The following ANO4 variants were observed in gnomAD, a reference collection of about 807,000 sequenced individuals.
ANO4 encodes the protein anoctamin 4.
Under a neutral mutation model 141.9 loss-of-function variants are expected in ANO4, and 69 were observed. The observed-to-expected ratio is 0.49, with a 90% CI of 0.40 to 0.59. The LOEUF is 0.59. Ranked by LOEUF, ANO4 falls within the 20% of genes least tolerant of loss-of-function variation. ANO4 has a pLI of 0.00. For synonymous variants in ANO4, 350 were observed against 394.3 expected (o/e 0.89, Z 1.33); for missense variants, 894 against 1,162.2 (o/e 0.77, Z 3.36).
chr12:100,777,312 T>G (rs1167465229), intron 3 of ANO4, among the ~76,000 whole-genome samples: 2 of 135,588 alleles, frequency 1.5e-5, no homozygotes, highest in Non-Finnish European at 3.1e-5. Context: ...AGAGATGGGG[T>G]TTTGCCATGT....
At chr12:100,778,101 A>G (rs948220152) in intron 3 of ANO4, among the ~76,000 whole-genome samples, 1 of 151,812 alleles carries the variant, frequency 6.6e-6, no homozygotes, top group African/African-American at 2.4e-5. Context: ...TTGCATTTTT[A>G]GTAGAGATGG....
chr12:100,913,908 G>T (rs1359284813), intron 2 of ANO4, among the ~76,000 whole-genome samples: 1 of 152,190 alleles, frequency 6.6e-6, no homozygotes, highest in Non-Finnish European at 1.5e-5. Flanking sequence ...AGCCCTTCAT[G>T]TATAAAGACT....
chr12:101,006,076 T>G (rs2045859005), intron 8 of ANO4, among the ~76,000 whole-genome samples: 1 of 152,160 alleles, frequency 6.6e-6, no homozygotes, highest in Non-Finnish European at 1.5e-5. Context: ...CATATCCTTT[T>G]GTTAGATAAC....
rs116458437 is a variant in ANO4 at position 101,127,486 on chromosome 12, G to C, written c.*5-375G>C. ...TTCTTCCTGAAAGCCTCAGCGGCCA[G>C]AGACCAAGGTGCAACAGGGCTGTCC... is the stretch of plus-strand genomic sequence containing the variant. On this transcript the variant is annotated intron_variant, in intron 27 of 27. Coordinates refer to ENST00000392977, the MANE Select transcript of ANO4 (RefSeq NM_001286615.2). Among the ~76,000 whole-genome samples, 1,412 of 152,332 alleles carry C rather than the reference G, an allele frequency of 9.3e-3. 20 individuals are homozygous for C. Among genetic ancestry groups the C allele is most frequent in the African/African-American group, 0.033 (1,354 of 41,580 alleles).
intron 1 of ANO4, among the ~76,000 whole-genome samples, chr12:100,798,650 ACTT>A (rs2034493077): frequency 6.6e-6 from 1 of 152,204 alleles, no homozygotes; most frequent in Non-Finnish European, 1.5e-5. Flanking sequence ...TGCAAGTTAT[ACTT>A]CTTAGGAGTT....
chr12:100,798,964 C>G (rs966797598), intron 1 of ANO4, among the ~76,000 whole-genome samples: 1 of 152,210 alleles, frequency 6.6e-6, no homozygotes, highest in African/African-American at 2.4e-5. Flanking sequence ...CAGTTACTTA[C>G]ATCTTTCCTG....
chr12:101,091,582 C>A (rs2049776461), intron 17 of ANO4, among the ~76,000 whole-genome samples: 1 of 152,132 alleles, frequency 6.6e-6, no homozygotes, highest in Non-Finnish European at 1.5e-5. Flanking sequence ...TGAAATTACT[C>A]AATGTGAGAT....
At chr12:100,719,916 G>A (rs1343913904) in intron 1 of ANO4, among the ~76,000 whole-genome samples, 1 of 152,050 alleles carries the variant, frequency 6.6e-6, no homozygotes, top group Non-Finnish European at 1.5e-5. Context: ...ATGAGATTAG[G>A]GTAATCAGTA....
chr12:100,949,551 TC>T, intron 5 of ANO4, among the ~76,000 whole-genome samples: 1 of 152,356 alleles, frequency 6.6e-6, no homozygotes, highest in Non-Finnish European at 1.5e-5. Flanking sequence ...ATTACTGTTA[TC>T]ATAACGGCTA....
intron 1 of ANO4, among the ~76,000 whole-genome samples, chr12:100,836,587 A>T (rs749971076): frequency 6.6e-5 from 10 of 150,632 alleles, no homozygotes; most frequent in Non-Finnish European, 1.5e-4. Context: ...ACTATCATAT[A>T]GTGTGATACG....
intron 1 of ANO4, among the ~76,000 whole-genome samples, chr12:100,823,655 C>A (rs543999154): frequency 6.6e-6 from 1 of 152,086 alleles, no homozygotes; most frequent in South Asian, 2.1e-4. Context: ...TTGTATAAGC[C>A]AGTAAATCTA....
chr12:100,778,676 G>T (rs1218266313), intron 3 of ANO4, among the ~76,000 whole-genome samples: 8 of 152,190 alleles, frequency 5.3e-5, no homozygotes, highest in Admixed American at 5.2e-4. Flanking sequence ...CTTGCCCAAA[G>T]TTCTCTCATT....
chr12:101,065,316 A>G (rs1276129561), intron 14 of ANO4, among the ~76,000 whole-genome samples: 1 of 152,132 alleles, frequency 6.6e-6, no homozygotes, highest in Non-Finnish European at 1.5e-5. Flanking sequence ...TTACCTGTGG[A>G]TAAAAGGGGA....
chr12:100,780,979 G>A (rs989507823), intron 3 of ANO4, among the ~76,000 whole-genome samples: 4 of 152,048 alleles, frequency 2.6e-5, no homozygotes, highest in African/African-American at 9.7e-5. Context: ...AACTTCATTT[G>A]CCTGCCTAGC....
chr12:101,074,163 G>C (rs78922070), intron 14 of ANO4, among the ~76,000 whole-genome samples: 1 of 152,082 alleles, frequency 6.6e-6, no homozygotes, highest in East Asian at 1.9e-4. Context: ...AGGTTAGATC[G>C]CTGTAGCACA....
chr12:100,807,564 G>T (rs1241510444), intron 1 of ANO4, among the ~76,000 whole-genome samples: 1 of 152,148 alleles, frequency 6.6e-6, no homozygotes, highest in Non-Finnish European at 1.5e-5. Context: ...AATCTAGGGA[G>T]AGTGTTTTTT....
At chr12:101,096,307 G>T (rs531378885) in intron 18 of ANO4, among the ~76,000 whole-genome samples, 2 of 152,278 alleles carry the variant, frequency 1.3e-5, no homozygotes, top group South Asian at 4.1e-4. Flanking sequence ...AATTCTATCA[G>T]ATTCTTCCAT....
chr12:100,768,523 T>A (rs1015371272), intron 3 of ANO4, among the ~76,000 whole-genome samples: 2 of 152,230 alleles, frequency 1.3e-5, no homozygotes, highest in African/African-American at 4.8e-5. Flanking sequence ...ATACTGTGTT[T>A]AAATTTATAT....
chr12:101,045,543 A>C (rs1475000783), intron 13 of ANO4, among the ~76,000 whole-genome samples: 1 of 152,230 alleles, frequency 6.6e-6, no homozygotes, highest in Admixed American at 6.5e-5. Context: ...GATACACAGA[A>C]ATATTAAATC....
Sources: allele counts gnomAD v4.1 joint callset (sites outside exome capture counted in the v4.1 genomes callset), GRCh38; gene constraint gnomAD v4.1.1; transcripts MANE v1.5; gene names NCBI Gene and HGNC (gene_info 2026-07-23, HGNC 2026-07-21).